GRIK2: variants seen among roughly 807,000 people sequenced by gnomAD.
GRIK2 encodes glutamate receptor ionotropic, kainate 2.
GRIK2 carries 32 observed loss-of-function variants against 100.3 expected under a neutral mutation model. The observed-to-expected ratio is 0.32, with a 90% CI of 0.24 to 0.43. The LOEUF is 0.43. GRIK2 is among the 20% of genes least tolerant of loss of function. The pLI, the probability that GRIK2 is intolerant of heterozygous loss-of-function variation, is 1.00. For synonymous variants in GRIK2, 417 were observed against 389.4 expected (o/e 1.07, Z -0.83); for missense variants, 843 against 1,114.9 (o/e 0.76, Z 3.47).
Position 101,648,293 on chromosome 6 carries a change from A to G in GRIK2, c.541+21656A>G, listed in dbSNP as rs538847416. Among the ~76,000 whole-genome samples, 3 of 152,152 alleles carry G rather than the reference A, an allele frequency of 2.0e-5. No individual in the cohort carries two copies. The South Asian group carries it at 6.2e-4, about 32-fold the overall frequency. On this transcript the variant is annotated intron_variant, in intron 4 of 16. Transcript: ENST00000369134. The stretch of plus-strand genomic sequence containing the variant: ...ATTCACATAACCATTTGTTAAATAC[A>G]CACTAAATGCCTGTCACTGTTCCAG...
At chr6:101,762,224 G>A (rs537348823) in intron 7 of GRIK2, among the ~76,000 whole-genome samples, 14 of 151,450 alleles carry the variant, frequency 9.2e-5, no homozygotes, top group Non-Finnish European at 2.1e-4. Flanking sequence ...GCCCAGGCTA[G>A]AGTAGAGTGG....
chr6:102,022,143 TAC>T (rs3995831), intron 14 of GRIK2, among the ~76,000 whole-genome samples: 52,017 of 132,910 alleles, frequency 0.39, 11,636 homozygotes, highest in African/African-American at 0.67. Context: ...AACACACACA[TAC>T]ACACACACAC....
At chr6:101,894,391 A>C (rs549610765) in intron 12 of GRIK2, among the ~76,000 whole-genome samples, 1 of 151,826 alleles carries the variant, frequency 6.6e-6, no homozygotes, top group South Asian at 2.1e-4. Flanking sequence ...GCTTATCTGA[A>C]TTAGCTCTGA....
chr6:101,918,474 T>G (rs1789264920), intron 12 of GRIK2, among the ~76,000 whole-genome samples: 1 of 151,800 alleles, frequency 6.6e-6, no homozygotes, highest in Non-Finnish European at 1.5e-5. Context: ...TAGATTATTT[T>G]ATATATTTTC....
At chr6:101,514,348 G>A (rs1010838156) in intron 2 of GRIK2, among the ~76,000 whole-genome samples, 6 of 152,052 alleles carry the variant, frequency 3.9e-5, no homozygotes, top group Non-Finnish European at 8.8e-5. Context: ...CACACATGGA[G>A]TGGTTTTAAG....
intron 2 of GRIK2, among the ~76,000 whole-genome samples, chr6:101,422,672 T>TAA (rs748656629): frequency 6.9e-6 from 1 of 144,644 alleles, no homozygotes; most frequent in Non-Finnish European, 1.5e-5. Flanking sequence ...GTAAAAAGAT[T>TAA]AAAAAAAAAA....
chr6:101,856,191 T>A (rs74490467), intron 10 of GRIK2, among the ~76,000 whole-genome samples: 2,975 of 152,234 alleles, frequency 0.02, 32 homozygotes, highest in African/African-American at 0.034. Flanking sequence ...TTCAGTAAGA[T>A]CCCTTGTGTT....
At position 102,069,477 on chromosome 6, in the gene GRIK2, T is replaced by G. The variant is rs1272747055; in HGVS notation, c.*966T>G. On this transcript the variant is annotated 3_prime_UTR_variant, in exon 17 of 17. Transcript: ENST00000369134. ...TCAGACATAGCAATCCAAACCCTTG[T>G]TCCTGCTGTAAATGAACTTGATGGA... 1 of 151,866 alleles carries G rather than the reference T, an allele frequency of 6.6e-6. No homozygotes were observed. The highest frequency in any genetic ancestry group is 1.5e-5 in the Non-Finnish European group (1 of 67,926). The allele number at this position is 151,866 out of a possible 1,614,324, so 9.4% of individuals were successfully genotyped here. A position where few individuals can be genotyped will look rare whatever the true frequency, so the allele number is the denominator to read the frequency against.
Position 101,982,039 on chromosome 6 carries a change from G to C in GRIK2, c.2086-53302G>C, listed in dbSNP as rs1238850441. On this transcript the variant is annotated intron_variant, in intron 14 of 16. Coordinates refer to ENST00000369134, the MANE Select transcript of GRIK2 (RefSeq NM_021956.5). ...CTTTTTGAATAATTAGTCCCTGCCA[G>C]GCACTATATTTTCACATTCGCTATT... Among the ~76,000 whole-genome samples the C allele has an allele frequency of 2.0e-5, 3 of 151,818 alleles. No individual in the cohort carries two copies. The East Asian group carries it at 5.8e-4, about 30-fold the overall frequency.
At chr6:101,631,129 A>G (rs1780727152) in intron 4 of GRIK2, among the ~76,000 whole-genome samples, 1 of 152,174 alleles carries the variant, frequency 6.6e-6, no homozygotes, top group Non-Finnish European at 1.5e-5. Context: ...AAACACGCTG[A>G]AAGTCTGTTA....
chr6:101,910,616 C>A (rs575458842), intron 12 of GRIK2, among the ~76,000 whole-genome samples: 1 of 151,260 alleles, frequency 6.6e-6, no homozygotes, highest in Admixed American at 6.6e-5. Flanking sequence ...TATATTTGAG[C>A]ATGTTGTACA....
intron 4 of GRIK2, among the ~76,000 whole-genome samples, chr6:101,646,225 A>G (rs1008230715): frequency 2.0e-5 from 3 of 151,888 alleles, no homozygotes; most frequent in African/African-American, 7.2e-5. Context: ...CTAATAGATA[A>G]ATACTATACA....
chr6:101,936,207 T>C (rs1790607233), intron 14 of GRIK2, among the ~76,000 whole-genome samples: 1 of 152,096 alleles, frequency 6.6e-6, no homozygotes, highest in Non-Finnish European at 1.5e-5. Context: ...TGCTGTGTTC[T>C]TCATTGTCCA....
intron 4 of GRIK2, among the ~76,000 whole-genome samples, chr6:101,635,946 T>A (rs1780988575): frequency 6.6e-6 from 1 of 152,140 alleles, no homozygotes; most frequent in Non-Finnish European, 1.5e-5. Context: ...AGTGTGGTGA[T>A]TCCTCAAGGA....
At chr6:101,856,067 T>C (rs1331346595) in intron 10 of GRIK2, among the ~76,000 whole-genome samples, 1 of 152,172 alleles carries the variant, frequency 6.6e-6, no homozygotes, top group Non-Finnish European at 1.5e-5. Context: ...TGAGAGCAAG[T>C]GGTAGAACAA....
intron 2 of GRIK2, among the ~76,000 whole-genome samples, chr6:101,550,165 T>C (rs1406391229): frequency 2.0e-5 from 3 of 152,234 alleles, no homozygotes; most frequent in African/African-American, 7.2e-5. Flanking sequence ...TAGGAGACCT[T>C]AATTTTTATT....
intron 2 of GRIK2, among the ~76,000 whole-genome samples, chr6:101,474,893 C>G (rs1220280803): frequency 2.0e-5 from 3 of 151,894 alleles, no homozygotes; most frequent in African/African-American, 4.8e-5. Flanking sequence ...GAATTATACA[C>G]TTGTAGTAAA....
intron 2 of GRIK2, among the ~76,000 whole-genome samples, chr6:101,475,083 T>C (rs748960330): frequency 3.9e-5 from 6 of 152,008 alleles, no homozygotes; most frequent in East Asian, 1.9e-4. Context: ...GAGACTTCCC[T>C]TGAGGCCTTA....
At position 102,006,388 on chromosome 6, in the gene GRIK2, A is replaced by ATTTT. The variant is rs1391488839; in HGVS notation, c.2086-28952_2086-28951insTTTT. Reference sequence around the variant, plus strand: ...ACCTTTTATATATATATATATATATATATTTTTTTTTTTTTTGAGACATAC... The same window carrying ATTTT: ...ACCTTTTATATATATATATATATATATTTTTATTTTTTTTTTTTTTGAGACATAC... On this transcript the variant is annotated intron_variant, in intron 14 of 16. Transcript: ENST00000369134. Among the ~76,000 whole-genome samples the ATTTT allele has an allele frequency of 3.9e-3, 431 of 111,856 alleles. 1 individual carries two copies. Among genetic ancestry groups the ATTTT allele is most frequent in the African/African-American group, 0.022 (411 of 18,750 alleles). The allele number at this position is 111,856 out of a possible 152,430, so 73.4% of individuals were successfully genotyped here.
Sources: allele counts gnomAD v4.1 joint callset (sites outside exome capture counted in the v4.1 genomes callset), GRCh38; gene constraint gnomAD v4.1.1; transcripts MANE v1.5; gene names NCBI Gene and HGNC (gene_info 2026-07-23, HGNC 2026-07-21).